MYO3A: variants seen among roughly 807,000 people sequenced by gnomAD.
MYO3A encodes myosin-IIIa.
In MYO3A, 180 loss-of-function variants were observed where a neutral mutation model predicts 192.7. That is an observed-to-expected ratio of 0.93 (90% CI 0.83 to 1.06). The LOEUF (loss-of-function observed/expected upper bound fraction) is 1.06, where lower values mean the gene tolerates loss of function less well. Among genes scored for constraint, MYO3A ranks in the 50% least tolerant of loss-of-function variants. The pLI is 0.00. For synonymous variants in MYO3A, 628 were observed against 645.3 expected, an observed-to-expected ratio of 0.97 and a Z score of 0.41; for missense variants, 1,896 against 1,905.0, an observed-to-expected ratio of 1.00 and a Z score of 0.09.
intron 4 of MYO3A, among the ~76,000 whole-genome samples, chr10:25,979,834 C>T (rs1164264210): frequency 6.6e-6 from 1 of 152,122 alleles, no homozygotes; most frequent in African/African-American, 2.4e-5. Context: ...GCATTCCTGG[C>T]CTCTAGATGC....
intron 4 of MYO3A, among the ~76,000 whole-genome samples, chr10:25,982,908 A>C (rs1415906569): frequency 2.0e-5 from 3 of 152,184 alleles, no homozygotes; most frequent in African/African-American, 7.2e-5. Flanking sequence ...CCAAAAGATC[A>C]TACCAGCACA....
At chr10:26,131,100 A>G (rs1383508830) in intron 20 of MYO3A, among the ~76,000 whole-genome samples, 1 of 152,218 alleles carries the variant, frequency 6.6e-6, no homozygotes, top group Non-Finnish European at 1.5e-5. Context: ...AGTCTTGGGC[A>G]GCACCTTTAC....
chr10:26,054,463 G>A (rs1367418841), intron 10 of MYO3A, among the ~76,000 whole-genome samples: 1 of 152,092 alleles, frequency 6.6e-6, no homozygotes, highest in African/African-American at 2.4e-5. Flanking sequence ...CAATATTTCT[G>A]TATTCTGTAC....
chr10:26,075,167 G>A (rs1316313927), intron 14 of MYO3A, among the ~76,000 whole-genome samples: 1 of 151,912 alleles, frequency 6.6e-6, no homozygotes, highest in Non-Finnish European at 1.5e-5. Context: ...TTTTAAATCA[G>A]GAAGTAATGA....
intron 28 of MYO3A, 30 bp downstream of exon 28, chr10:26,168,904 C>A: frequency 6.3e-7 from 1 of 1,584,276 alleles, no homozygotes; most frequent in South Asian, 1.1e-5. Context: ...TAGATATGGT[C>A]ATAAAATCAA....
At chr10:25,969,583 G>A (rs555561336) in intron 4 of MYO3A, among the ~76,000 whole-genome samples, 2 of 152,212 alleles carry the variant, frequency 1.3e-5, no homozygotes, top group South Asian at 4.1e-4. Flanking sequence ...ATGAAGTATA[G>A]CTAATAAGCT....
chr10:25,993,378 C>G (rs923514527), intron 4 of MYO3A, among the ~76,000 whole-genome samples: 1 of 152,110 alleles, frequency 6.6e-6, no homozygotes, highest in South Asian at 2.1e-4. Context: ...TTTTTTATTG[C>G]ATCTGTTTGA....
chr10:25,969,096 G>A (rs1371252935), intron 4 of MYO3A, among the ~76,000 whole-genome samples: 2 of 152,060 alleles, frequency 1.3e-5, no homozygotes, highest in East Asian at 1.9e-4. Flanking sequence ...AAAATTAGCC[G>A]GGTGAGGTGG....
chr10:25,954,965 A>G lies in MYO3A; in HGVS notation c.260A>G (p.Lys87Arg). ...NVVRFYGIYFKKDKVNGDKLW... is the reference protein window; with the variant it reads ...NVVRFYGIYFRKDKVNGDKLW... Reference sequence around the variant, plus strand: ...GTCAGATTCTATGGGATATACTTTAAGAAGGATAAAGTAAATGGAGACAAG... The same window carrying G: ...GTCAGATTCTATGGGATATACTTTAGGAAGGATAAAGTAAATGGAGACAAG... The change falls in exon 4 of 35, where the codon AAG becomes AGG. Residue 87 changes from lysine (K) to arginine (R), a missense_variant. By Grantham distance (26) the Lys-to-Arg change is conservative. Coordinates refer to ENST00000642920, the MANE Select transcript of MYO3A (RefSeq NM_017433.5). 1 of 1,612,830 alleles carries G rather than the reference A, an allele frequency of 6.2e-7. No homozygotes were observed. Among genetic ancestry groups the G allele is most frequent in the South Asian group, 1.1e-5 (1 of 91,058 alleles).
At chr10:26,143,827 C>T (rs1352840129) in intron 21 of MYO3A, among the ~76,000 whole-genome samples, 1 of 152,144 alleles carries the variant, frequency 6.6e-6, no homozygotes, top group African/African-American at 2.4e-5. Context: ...TTGGACTTCT[C>T]CTTATTTTGT....
chr10:26,067,160 A>C, intron 11 of MYO3A, 86 bp downstream of exon 11: 1 of 864,230 alleles, frequency 1.2e-6, no homozygotes, highest in South Asian at 1.4e-5. Flanking sequence ...AAGGGGAAGG[A>C]ATATATAGAT....
At chr10:26,039,884 C>G (rs1843246892) in intron 10 of MYO3A, among the ~76,000 whole-genome samples, 1 of 151,870 alleles carries the variant, frequency 6.6e-6, no homozygotes, top group Non-Finnish European at 1.5e-5. Flanking sequence ...TATTTCTGCT[C>G]TGATCTTTAT....
chr10:26,131,433 A>C (rs1284327112), intron 20 of MYO3A, among the ~76,000 whole-genome samples: 1 of 152,156 alleles, frequency 6.6e-6, no homozygotes, highest in Non-Finnish European at 1.5e-5. Flanking sequence ...AATTGTTTCC[A>C]CCTGTTTGCA....
intron 15 of MYO3A, among the ~76,000 whole-genome samples, chr10:26,091,863 C>T (rs962280092): frequency 2.0e-5 from 3 of 152,326 alleles, no homozygotes; most frequent in African/African-American, 4.8e-5. Flanking sequence ...TCCAGCCATC[C>T]GTCTATTTGA....
chr10:25,979,152 A>G (rs1463244622), intron 4 of MYO3A, among the ~76,000 whole-genome samples: 1 of 152,194 alleles, frequency 6.6e-6, no homozygotes. Context: ...TATACAATCA[A>G]TTGTGAGGGT....
At chr10:26,120,435 G>A (rs1229633729) in intron 17 of MYO3A, among the ~76,000 whole-genome samples, 1 of 152,012 alleles carries the variant, frequency 6.6e-6, no homozygotes, top group Non-Finnish European at 1.5e-5. Context: ...ATTCATATTT[G>A]CATTTATAAA....
Position 26,073,631 on chromosome 10 carries a change from A to AAAT in MYO3A, c.1359+3246_1359+3248dup, listed in dbSNP as rs1201512627. On this transcript the variant is annotated intron_variant, in intron 14 of 34. Coordinates refer to ENST00000642920, the MANE Select transcript of MYO3A (RefSeq NM_017433.5). ...GGGCAACAGTGCAAGACTCCGTGTC[A>AAAT]AATAATAATAATAATAATGATAATA... is the stretch of plus-strand genomic sequence containing the variant. 5.8e-4 allele frequency among the ~76,000 whole-genome samples: 77 copies of AAAT among 133,538 alleles called. 1 individual carries two copies. The highest frequency in any genetic ancestry group is 2.0e-3 in the African/African-American group (75 of 37,960). The allele number at this position is 133,538 out of a possible 152,430, so 87.6% of individuals were successfully genotyped here.
At chr10:26,074,588 A>T (rs1172032159) in intron 14 of MYO3A, among the ~76,000 whole-genome samples, 2 of 147,614 alleles carry the variant, frequency 1.4e-5, no homozygotes, top group Non-Finnish European at 3.0e-5. Context: ...TATATATATA[A>T]AATATATAAT....
chr10:26,165,470 G>A (rs1841693144), intron 26 of MYO3A, among the ~76,000 whole-genome samples: 1 of 152,092 alleles, frequency 6.6e-6, no homozygotes, highest in African/African-American at 2.4e-5. Flanking sequence ...TTAACCTGAG[G>A]ACCTGCTTTC....
Sources: allele counts gnomAD v4.1 joint callset (sites outside exome capture counted in the v4.1 genomes callset), GRCh38; gene constraint gnomAD v4.1.1; transcripts MANE v1.5; gene names NCBI Gene and HGNC (gene_info 2026-07-23, HGNC 2026-07-21).